The following PRPF8 variants were observed in gnomAD, a reference collection of about 807,000 sequenced individuals.
The protein encoded by PRPF8 is pre-mRNA processing factor 8.
In PRPF8, 64 loss-of-function variants were observed where a neutral mutation model predicts 285.9. That is an observed-to-expected ratio of 0.22 (90% confidence interval 0.18 to 0.28). The LOEUF is 0.28. Ranked by LOEUF, PRPF8 falls within the 10% of genes least tolerant of loss-of-function variation. PRPF8 has a pLI of 1.00. For missense variants in PRPF8, 1,426 were observed against 3,026.7 expected (o/e 0.47, Z 12.41); for synonymous variants, 1,325 against 1,118.2 (o/e 1.18, Z -3.69).
intron 24 of PRPF8, among the ~76,000 whole-genome samples, chr17:1,669,484 A>G (rs1356355577): frequency 6.6e-6 from 1 of 152,040 alleles, no homozygotes; most frequent in Admixed American, 6.6e-5. Context: ...GTCATTCAAA[A>G]ACACCTGCAC....
Position 1,680,810 on chromosome 17 carries a change from T to C in PRPF8, c.1014A>G (p.Val338=), listed in dbSNP as rs781046979. Residue 338 remains valine, a synonymous_variant, in exon 8 of 43, where the codon GTA becomes GTG. Transcript: ENST00000304992. The part of the protein sequence containing the change: ...HLTWYHTPNV[V]FIKTEDPDLP... ...AGTCAGGATCCTCAGTTTTGATGAA[T>C]ACAACATTGGGAGTATGGTACCTAA... is the stretch of plus-strand genomic sequence containing the variant. The C allele has an allele frequency of 3.0e-5, 49 of 1,614,004 alleles. No individual in the cohort carries two copies. Among genetic ancestry groups the C allele is most frequent in the Non-Finnish European group, 4.0e-5 (47 of 1,179,942 alleles).
intron 24 of PRPF8, among the ~76,000 whole-genome samples, chr17:1,663,710 CAAAAAAAAAAA>C (rs58454297): frequency 5.7e-3 from 98 of 17,104 alleles, no homozygotes; most frequent in East Asian, 0.024. Flanking sequence ...GACTCCATCT[CAAAAAAAAAAA>C]AAAAAAAAAA....
At position 1,658,672 on chromosome 17, in the gene PRPF8, G is replaced by A. The variant is rs1471115630; in HGVS notation, c.5230C>T (p.Arg1744Cys). ...TGTAGCCCCTTGCGGATCCGTTCAC[G>A]TAACACATACAGGGCAGGGTTTGCC... ...MKANPALYVL[R>C]ERIRKGLQLY... is the part of the protein sequence containing the mutation. Residue 1744 changes from arginine to cysteine, a missense_variant, in exon 33 of 43, where the codon CGT (arginine) becomes TGT (cysteine). Around this residue, in one of 34 missense-constraint regions of PRPF8, gnomAD observed 74 missense variants for 161.8 expected, o/e 0.46. Transcript: ENST00000304992. This position sits in a 1 kb window ranked among gnomAD's most constrained non-coding sequence, Gnocchi z 4.1. 6 of 1,614,226 alleles carry A rather than the reference G, an allele frequency of 3.7e-6. No individual in the cohort carries two copies. Among genetic ancestry groups the A allele is most frequent in the East Asian group, 2.2e-5 (1 of 44,888 alleles).
chr17:1,667,043 G>C (rs1209447833), intron 24 of PRPF8, among the ~76,000 whole-genome samples: 1 of 152,090 alleles, frequency 6.6e-6, no homozygotes, highest in African/African-American at 2.4e-5. Context: ...CATGGTGGCA[G>C]GCACCTGTAA....
rs767501716 is a variant in PRPF8 at position 1,653,944 on chromosome 17, T to C, written c.6060A>G (p.Ser2020=). ...IILGMEISAP[S]QQRQQIAEIE... is the part of the protein sequence containing the mutation. ...TCTCAGCGATCTGCTGCCGCTGCTG[T>C]GACGGTGCCGAGATCTCCATACCCA... is the stretch of plus-strand genomic sequence containing the variant. Residue 2020 remains serine, a synonymous_variant, in exon 38 of 43, where the codon TCA becomes TCG. Coordinates refer to ENST00000304992, the MANE Select transcript of PRPF8 (RefSeq NM_006445.4). The surrounding 1 kb of genome is among the most constrained non-coding windows in gnomAD (Gnocchi z 4.9). 1.9e-6 allele frequency: 3 copies of C among 1,613,206 alleles called. No homozygotes were observed. In the East Asian group the frequency reaches 6.7e-5, roughly 36 times the overall value.
In PRPF8 at chr17:1,650,766, G is replaced by T. The variant is rs776962939; in HGVS notation, c.*36C>A. On this transcript the variant is annotated 3_prime_UTR_variant, in exon 43 of 43. Transcript: ENST00000304992. ...GCCTGTCTGGAGGGGCTGAGGCTTC[G>T]GCCTCGGGAGGCTGAAGCAGGAGGC... 1.9e-6 allele frequency: 3 copies of T among 1,612,270 alleles called. No homozygotes were observed. In the South Asian group the frequency reaches 3.3e-5, roughly 18 times the overall value.
Position 1,681,810 on chromosome 17 carries a change from T to C in PRPF8, c.653+10A>G. On this transcript the variant is annotated intron_variant, in intron 5 of 42. Transcript: ENST00000304992. ...TCCTCCCAGGTGTAGTATCTCCATCTATCACTCACTTCCTGCTGTCCCTCA... is the reference window on the plus strand; with the variant it reads ...TCCTCCCAGGTGTAGTATCTCCATCCATCACTCACTTCCTGCTGTCCCTCA... 1 of 1,613,906 alleles carries C rather than the reference T, an allele frequency of 6.2e-7. No individual in the cohort carries two copies. Among genetic ancestry groups the C allele is most frequent in the Non-Finnish European group, 8.5e-7 (1 of 1,179,868 alleles).
In PRPF8 at chr17:1,658,460, T is replaced by A. The variant is rs1597230260; in HGVS notation, c.5376+66A>T. 6.2e-7 allele frequency: 1 copy of A among 1,613,922 alleles called. No homozygotes were observed. Among genetic ancestry groups the A allele is most frequent in the Non-Finnish European group, 8.5e-7 (1 of 1,179,782 alleles). On this transcript the variant is annotated intron_variant, in intron 33 of 42. Transcript: ENST00000304992. This position sits in a 1 kb window ranked among gnomAD's most constrained non-coding sequence, Gnocchi z 4.1. ...CCTTCTTCCCAGCATGTGTACACAC[T>A]TAGCCCATTACTCTCCCACAGCCAT...
At chr17:1,656,327 C>T in intron 36 of PRPF8, 65 bp downstream of exon 36, 1 of 1,601,178 alleles carries the variant, frequency 6.2e-7, no homozygotes, top group Non-Finnish European at 8.6e-7. Flanking sequence ...AAACCTGACA[C>T]AGGATCTTCT....
chr17:1,670,234 C>T (rs1912231467), intron 24 of PRPF8, among the ~76,000 whole-genome samples: 1 of 152,194 alleles, frequency 6.6e-6, no homozygotes, highest in Non-Finnish European at 1.5e-5. Context: ...TGAATGTTCT[C>T]AGGAACTTCA....
chr17:1,659,712 G>C lies in PRPF8; in HGVS notation c.4946+129C>G. The C allele has an allele frequency of 5.1e-6, 7 of 1,375,414 alleles. No individual in the cohort carries two copies. The highest frequency in any genetic ancestry group is 1.4e-5 in the African/African-American group (1 of 69,756). 85.2% of individuals were successfully genotyped at this position (1,375,414 alleles called of 1,614,324 possible). ...CAGATCTGACTAAGGGTGTTGACAG[G>C]CTCCAAGCGTAGCACTGGCTCCAAG... is the stretch of plus-strand genomic sequence containing the variant. On this transcript the variant is annotated intron_variant, in intron 31 of 42. Transcript: ENST00000304992. This position sits in a 1 kb window ranked among gnomAD's most constrained non-coding sequence, Gnocchi z 5.1.
Position 1,653,739 on chromosome 17 carries a change from G to A in PRPF8, c.6227+38C>T. On this transcript the variant is annotated intron_variant, in intron 38 of 42. Transcript: ENST00000304992. This position sits in a 1 kb window ranked among gnomAD's most constrained non-coding sequence, Gnocchi z 4.9. Reference sequence around the variant, plus strand: ...TCAGCCCAGCACCTTAGGTAGTGCAGCCGGCCTTTCCATCCCCACCCTCTT... The same window carrying A: ...TCAGCCCAGCACCTTAGGTAGTGCAACCGGCCTTTCCATCCCCACCCTCTT... 1.9e-6 allele frequency: 3 copies of A among 1,614,128 alleles called. No individual in the cohort carries two copies. The highest frequency in any genetic ancestry group is 2.5e-6 in the Non-Finnish European group (3 of 1,180,008).
At chr17:1,650,979 A>C (rs751047854) in intron 42 of PRPF8, 23 bp from the exon 43 acceptor site, 4 of 1,614,066 alleles carry the variant, frequency 2.5e-6, no homozygotes, top group South Asian at 1.1e-5. Context: ...GGAAACAGCC[A>C]ATGTTAACAG....
chr17:1,666,390 T>C (rs1441189815), intron 24 of PRPF8, among the ~76,000 whole-genome samples: 1 of 150,796 alleles, frequency 6.6e-6, no homozygotes, highest in African/African-American at 2.4e-5. Flanking sequence ...GTATCCAAAA[T>C]ACAAAGAAAA....
chr17:1,654,339 T>G, intron 37 of PRPF8: 2 of 509,528 alleles, frequency 3.9e-6, no homozygotes, highest in East Asian at 7.1e-5. Flanking sequence ...ATACTGGTTC[T>G]TAATCAGAGG....
At position 1,661,902 on chromosome 17, in the gene PRPF8, G is replaced by A. The variant is rs1333590578; in HGVS notation, c.4022+4C>T. The A allele has an allele frequency of 5.6e-6, 9 of 1,614,208 alleles. No homozygotes were observed. The highest frequency in any genetic ancestry group is 1.3e-5 in the African/African-American group (1 of 75,056). ...GTTTAGAAATACGTTGAACCAGGCT[G>A]TACCTGAGGTCGGATTGGGGGATGA... On this transcript the variant is annotated splice_donor_region_variant and intron_variant, in intron 25 of 42. Transcript: ENST00000304992. The surrounding 1 kb of genome is among the most constrained non-coding windows in gnomAD (Gnocchi z 7.3).
Position 1,680,807 on chromosome 17 carries a change from G to C in PRPF8, c.1017C>G (p.Phe339Leu). 3 of 1,614,126 alleles carry C rather than the reference G, an allele frequency of 1.9e-6. No individual in the cohort carries two copies. Among genetic ancestry groups the C allele is most frequent in the Non-Finnish European group, 2.5e-6 (3 of 1,180,020 alleles). ...LTWYHTPNVV[F>L]IKTEDPDLPA... ...GCAAGTCAGGATCCTCAGTTTTGAT[G>C]AATACAACATTGGGAGTATGGTACC... Residue 339 changes from phenylalanine to leucine, a missense_variant, in exon 8 of 43, where the codon TTC becomes TTG. Transcript: ENST00000304992.
chr17:1,657,590 G>A (rs1345061958), intron 34 of PRPF8, among the ~76,000 whole-genome samples: 1 of 146,046 alleles, frequency 6.8e-6, no homozygotes, highest in African/African-American at 2.6e-5. Context: ...AGCTTGCAGT[G>A]AGCTGAAATC....
chr17:1,674,685 A>C lies in PRPF8; in HGVS notation c.3061-5T>G, dbSNP rs1211191414. 1.2e-6 allele frequency: 2 copies of C among 1,611,960 alleles called. No homozygotes were observed. Among genetic ancestry groups the C allele is most frequent in the Non-Finnish European group, 1.7e-6 (2 of 1,178,332 alleles). On this transcript the variant is annotated splice_polypyrimidine_tract_variant and splice_region_variant and intron_variant, in intron 20 of 42. Transcript: ENST00000304992. ...TGAATTCGTATGGTTCATGTCCTAG[A>C]AAGAAAGAACTACAATTCTTAAGAA...
Sources: allele counts gnomAD v4.1 joint callset (sites outside exome capture counted in the v4.1 genomes callset), GRCh38; gene constraint gnomAD v4.1.1; regional missense constraint gnomAD v4.1.1; non-coding constraint Gnocchi (gnomAD v3.1); transcripts MANE v1.5; gene names NCBI Gene and HGNC (gene_info 2026-07-23, HGNC 2026-07-21).